GLI2: variants seen among roughly 807,000 people sequenced by gnomAD.
GLI2 encodes the protein transcription activator GLI2.
In GLI2, 22 loss-of-function variants were observed where a neutral mutation model predicts 78.9. That is an observed-to-expected ratio of 0.28 (90% CI 0.20 to 0.40). The LOEUF is 0.40. Among genes scored for constraint, GLI2 ranks in the 10% least tolerant of loss-of-function variants. GLI2 has a pLI of 1.00. For synonymous variants in GLI2, 974 were observed against 963.7 expected, an observed-to-expected ratio of 1.01 and a Z score of -0.20; for missense variants, 2,097 against 2,213.2, an observed-to-expected ratio of 0.95 and a Z score of 1.05.
At position 120,755,858 on chromosome 2, in the gene GLI2, G is replaced by GCA. The variant is rs1356466163; in HGVS notation, c.-31+19575_-31+19576dup. 5.9e-5 allele frequency among the ~76,000 whole-genome samples: 9 copies of GCA among 152,182 alleles called. No homozygotes were observed. In the South Asian group the frequency reaches 1.0e-3, roughly 18 times the overall value. On this transcript the variant is annotated intron_variant, in intron 1 of 13. Coordinates refer to ENST00000361492, the MANE Select transcript of GLI2 (RefSeq NM_001374353.1). ...ATTCTGTCCGCATCAACTTGCCTTT[G>GCA]CACCTTTGTAAAAAAATCTGCTTCC...
intron 2 of GLI2, among the ~76,000 whole-genome samples, chr2:120,907,218 G>C (rs1678577076): frequency 6.6e-6 from 1 of 152,144 alleles, no homozygotes; most frequent in Admixed American, 6.5e-5. Flanking sequence ...GTGCCTTTGT[G>C]TGTGCCTTCT....
intron 3 of GLI2, among the ~76,000 whole-genome samples, chr2:120,942,427 C>T (rs1680492299): frequency 1.3e-5 from 2 of 152,310 alleles, no homozygotes; most frequent in African/African-American, 4.8e-5. Context: ...GCATGGCCAT[C>T]TCATCTTCTG....
chr2:120,787,837 T>C (rs1255882432), intron 1 of GLI2, among the ~76,000 whole-genome samples: 4 of 151,924 alleles, frequency 2.6e-5, no homozygotes, highest in Non-Finnish European at 5.9e-5. Flanking sequence ...AGGAAGGTGA[T>C]GGACAATAGG....
chr2:120,951,773 G>T, intron 4 of GLI2: 1 of 264,874 alleles, frequency 3.8e-6, no homozygotes, highest in Non-Finnish European at 7.1e-6. Flanking sequence ...TTAGGAAAGG[G>T]GATGTTGTGT....
Position 120,865,047 on chromosome 2 carries a change from G to A in GLI2, c.149-62314G>A, listed in dbSNP as rs150938929. ...GCCTGAACATTGCCCCAGGGAAGCT[G>A]AGGGGAAGGGCTGGTGATGGTGCCC... is the stretch of plus-strand genomic sequence containing the variant. On this transcript the variant is annotated intron_variant, in intron 2 of 13. Transcript: ENST00000361492. Among the ~76,000 whole-genome samples, 997 of 152,304 alleles carry A rather than the reference G, an allele frequency of 6.5e-3. 11 individuals are homozygous for A. Among genetic ancestry groups the A allele is most frequent in the African/African-American group, 0.023 (937 of 41,568 alleles).
chr2:120,788,550 C>G (rs1684059698), intron 1 of GLI2, among the ~76,000 whole-genome samples: 1 of 152,258 alleles, frequency 6.6e-6, no homozygotes, highest in Admixed American at 6.5e-5. Flanking sequence ...TACTCATCAA[C>G]TCTTATCGGA....
At chr2:120,908,028 C>T (rs1240622672) in intron 2 of GLI2, among the ~76,000 whole-genome samples, 1 of 152,204 alleles carries the variant, frequency 6.6e-6, no homozygotes, top group Non-Finnish European at 1.5e-5. Flanking sequence ...AGACTGTCCT[C>T]AGGAGCCCTG....
chr2:120,947,301 C>A (rs938946857), intron 3 of GLI2, among the ~76,000 whole-genome samples: 1 of 152,232 alleles, frequency 6.6e-6, no homozygotes, highest in Non-Finnish European at 1.5e-5. Context: ...GGCCAAGGGA[C>A]CTAGCCTATC....
At chr2:120,849,399 A>G (rs372692593) in intron 2 of GLI2, among the ~76,000 whole-genome samples, 92 of 152,210 alleles carry the variant, frequency 6.0e-4, no homozygotes, top group African/African-American at 2.1e-3. Flanking sequence ...AACCTCCCAT[A>G]TAGAATGACT....
chr2:120,927,601 C>T lies in GLI2; in HGVS notation c.254+135C>T, dbSNP rs188354699. On this transcript the variant is annotated intron_variant, in intron 3 of 13. Coordinates refer to ENST00000361492, the MANE Select transcript of GLI2 (RefSeq NM_001374353.1). ...CCTGATCTACATTGTCCTGAGCGGG[C>T]GATCACCTTTGCTATCATGGCCTGG... 410 of 746,712 alleles carry T rather than the reference C, an allele frequency of 5.5e-4. 1 individual carries two copies. Among genetic ancestry groups the T allele is most frequent in the Non-Finnish European group, 8.2e-4 (339 of 411,486 alleles). 46.3% of individuals were successfully genotyped at this position (746,712 alleles called of 1,614,324 possible). A position where few individuals can be genotyped will look rare whatever the true frequency, so the allele number is the denominator to read the frequency against.
intron 3 of GLI2, among the ~76,000 whole-genome samples, chr2:120,949,280 T>C (rs544977452): frequency 6.6e-6 from 1 of 152,364 alleles, no homozygotes; most frequent in African/African-American, 2.4e-5. Context: ...AGGCAGGCTG[T>C]GAGTGAGAAC....
At chr2:120,893,395 T>C (rs996575334) in intron 2 of GLI2, among the ~76,000 whole-genome samples, 3 of 150,604 alleles carry the variant, frequency 2.0e-5, no homozygotes, top group Admixed American at 2.0e-4. Flanking sequence ...TCTTGCTGGG[T>C]GCCCCCAGCC....
chr2:120,799,972 G>A (rs1471176406), intron 2 of GLI2, among the ~76,000 whole-genome samples: 1 of 152,208 alleles, frequency 6.6e-6, no homozygotes, highest in Non-Finnish European at 1.5e-5. Flanking sequence ...ATCTGGTGCT[G>A]GGCCTGGCAT....
In GLI2 at chr2:120,989,761, C is replaced by A. The variant is rs1270489477; in HGVS notation, c.3796C>A (p.Pro1266Thr). 1 of 1,612,228 alleles carries A rather than the reference C, an allele frequency of 6.2e-7. No individual in the cohort carries two copies. Among genetic ancestry groups the A allele is most frequent in the Non-Finnish European group, 8.5e-7 (1 of 1,179,498 alleles). The change falls in exon 14 of 14, where the codon CCT becomes ACT. Residue 1266 changes from proline (P) to threonine (T), a missense_variant. Pro to Thr is a conservative substitution (Grantham distance 38, BLOSUM62 -1). Transcript: ENST00000361492. ...MPAKPGHLGH[P>T]QQTEVAPDPT... ...AGCCAAGCCAGGGCATCTGGGGCACCCTCAGCAGACAGAAGTGGCACCTGA... is the reference window on the plus strand; with the variant it reads ...AGCCAAGCCAGGGCATCTGGGGCACACTCAGCAGACAGAAGTGGCACCTGA...
intron 2 of GLI2, among the ~76,000 whole-genome samples, chr2:120,862,557 T>C (rs1262719506): frequency 2.0e-5 from 3 of 152,196 alleles, no homozygotes; most frequent in African/African-American, 7.2e-5. Flanking sequence ...TGGCAAGAGC[T>C]GTGGGAGCCG....
At chr2:120,783,015 T>C (rs1403551708) in intron 1 of GLI2, among the ~76,000 whole-genome samples, 1 of 151,926 alleles carries the variant, frequency 6.6e-6, no homozygotes, top group African/African-American at 2.4e-5. Context: ...GGGGAGGCCA[T>C]CGAAAGGAGA....
chr2:120,888,609 G>A (rs1215871863), intron 2 of GLI2, among the ~76,000 whole-genome samples: 2 of 151,872 alleles, frequency 1.3e-5, no homozygotes, highest in African/African-American at 2.4e-5. Flanking sequence ...GCCTACTAGG[G>A]TGTGGTGGGT....
intron 2 of GLI2, among the ~76,000 whole-genome samples, chr2:120,809,227 C>A (rs1273901919): frequency 1.3e-5 from 2 of 152,156 alleles, no homozygotes; most frequent in East Asian, 3.8e-4. Flanking sequence ...CACAAATGAA[C>A]CTCGCAAACA....
At position 120,970,382 on chromosome 2, in the gene GLI2, C is replaced by G; in HGVS notation, c.846-11C>G. 6.5e-7 allele frequency: 1 copy of G among 1,532,492 alleles called. No homozygotes were observed. The highest frequency in any genetic ancestry group is 9.0e-7 in the Non-Finnish European group (1 of 1,106,384). 94.9% of individuals were successfully genotyped at this position (1,532,492 alleles called of 1,614,324 possible). Reference sequence around the variant, plus strand: ...CCCCACCCCCACTTCCTTGTCTGCTCTCTGTTGCAGCCCAGCCTTCACCTT... The same window carrying G: ...CCCCACCCCCACTTCCTTGTCTGCTGTCTGTTGCAGCCCAGCCTTCACCTT... On this transcript the variant is annotated splice_polypyrimidine_tract_variant and intron_variant, in intron 6 of 13. Transcript: ENST00000361492.
Sources: allele counts gnomAD v4.1 joint callset (sites outside exome capture counted in the v4.1 genomes callset), GRCh38; gene constraint gnomAD v4.1.1; transcripts MANE v1.5; gene names NCBI Gene and HGNC (gene_info 2026-07-23, HGNC 2026-07-21).